Variants in MTUS1 observed in about 807,000 individuals in gnomAD.
MTUS1 encodes the protein microtubule associated scaffold protein 1.
In MTUS1, 109 loss-of-function variants were observed where a neutral mutation model predicts 120.8. The observed-to-expected ratio is 0.90, with a 90% CI of 0.77 to 1.06. The LOEUF (loss-of-function observed/expected upper bound fraction) is 1.06. Among genes scored for constraint, MTUS1 ranks in the 50% least tolerant of loss-of-function variants. The pLI, the probability that MTUS1 is intolerant of heterozygous loss-of-function variation, is 0.00. For synonymous variants in MTUS1, 737 were observed against 550.5 expected (o/e 1.34, Z -4.74); for missense variants, 2,210 against 1,486.3 (o/e 1.49, Z -8.01).
At chr8:17,769,435 C>A (rs2049842766) in intron 1 of MTUS1, among the ~76,000 whole-genome samples, 1 of 150,614 alleles carries the variant, frequency 6.6e-6, no homozygotes, top group South Asian at 2.1e-4. Flanking sequence ...GCAAGCTCCG[C>A]CTCCCGGGTT....
chr8:17,678,528 T>C (rs1813585050), intron 7 of MTUS1, among the ~76,000 whole-genome samples: 1 of 152,122 alleles, frequency 6.6e-6, no homozygotes. Context: ...TGTGCCTGCA[T>C]TTTTGCTAGC....
In MTUS1 at chr8:17,799,182, G is replaced by C. The variant is rs139620424; in HGVS notation, c.-155+1879C>G. On this transcript the variant is annotated intron_variant, in intron 1 of 14. Transcript: ENST00000693296. ...CTTCCAACCATCAACTGTATTTCAA[G>C]GGCACTAAGGATATTAACCCTGCAC... 9.2e-5 allele frequency among the ~76,000 whole-genome samples: 14 copies of C among 152,194 alleles called. No homozygotes were observed. In the East Asian group the frequency reaches 2.7e-3, roughly 29 times the overall value.
chr8:17,687,043 A>T (rs984951138), intron 6 of MTUS1, among the ~76,000 whole-genome samples: 2 of 152,224 alleles, frequency 1.3e-5, no homozygotes, highest in African/African-American at 2.4e-5. Flanking sequence ...ACAGGAATCT[A>T]AACATTACGC....
At chr8:17,655,120 C>T (rs773514239) in intron 9 of MTUS1, 50 of 161,794 alleles carry the variant, frequency 3.1e-4, no homozygotes, top group East Asian at 1.4e-3. Flanking sequence ...ACATGCTCTG[C>T]GCCTGTCACT....
chr8:17,726,610 C>T (rs1462104007), intron 3 of MTUS1, among the ~76,000 whole-genome samples: 2 of 152,178 alleles, frequency 1.3e-5, no homozygotes, highest in Admixed American at 6.5e-5. Flanking sequence ...TTTTTACAAG[C>T]TTATTTGAAT....
At chr8:17,741,846 G>T (rs1042595106) in intron 3 of MTUS1, among the ~76,000 whole-genome samples, 2 of 152,138 alleles carry the variant, frequency 1.3e-5, no homozygotes, top group African/African-American at 4.8e-5. Context: ...AAAGCTGACA[G>T]GGTCTTAGAT....
At chr8:17,684,693 T>TC in intron 6 of MTUS1, 151 bp from the exon 7 acceptor site, 1 of 654,436 alleles carries the variant, frequency 1.5e-6, no homozygotes, top group East Asian at 2.6e-5. Flanking sequence ...CTGGAATGAA[T>TC]CGGAGATCTA....
chr8:17,766,506 G>T (rs2049503059), intron 1 of MTUS1, among the ~76,000 whole-genome samples: 1 of 152,102 alleles, frequency 6.6e-6, no homozygotes, highest in South Asian at 2.1e-4. Flanking sequence ...TTTTCTTTTA[G>T]ACATTTGCAG....
At chr8:17,769,927 C>T (rs1351989756) in intron 1 of MTUS1, among the ~76,000 whole-genome samples, 12 of 48,446 alleles carry the variant, frequency 2.5e-4, no homozygotes, top group Admixed American at 4.8e-4. Flanking sequence ...CACACACACA[C>T]GGGGGGGGTT....
At chr8:17,751,436 C>T (rs1436796369) in intron 2 of MTUS1, among the ~76,000 whole-genome samples, 1 of 152,186 alleles carries the variant, frequency 6.6e-6, no homozygotes, top group East Asian at 1.9e-4. Flanking sequence ...CAGCTCTCTA[C>T]AGTAAGTGCA....
At chr8:17,774,051 C>T (rs537398421) in intron 1 of MTUS1, among the ~76,000 whole-genome samples, 3 of 152,332 alleles carry the variant, frequency 2.0e-5, no homozygotes, top group South Asian at 4.1e-4. Context: ...CCTTAACAAT[C>T]CTGCTGGTAA....
chr8:17,649,724 T>C (rs1275827246), intron 13 of MTUS1, 122 bp downstream of exon 13: 1 of 658,414 alleles, frequency 1.5e-6, no homozygotes, highest in East Asian at 2.6e-5. Flanking sequence ...CTTTATCTTT[T>C]GTATAATTTC....
intron 3 of MTUS1, among the ~76,000 whole-genome samples, chr8:17,728,350 T>C (rs898244427): frequency 2.6e-5 from 4 of 152,280 alleles, no homozygotes; most frequent in South Asian, 2.1e-4. Context: ...AGTGAGCCAC[T>C]TGCCGTGGCC....
At chr8:17,773,576 T>A (rs1342823086) in intron 1 of MTUS1, among the ~76,000 whole-genome samples, 1 of 152,190 alleles carries the variant, frequency 6.6e-6, no homozygotes, top group East Asian at 1.9e-4. Flanking sequence ...GTAAGGACCA[T>A]CTTGCTGTGT....
At chr8:17,750,787 T>C (rs1450425989) in intron 2 of MTUS1, among the ~76,000 whole-genome samples, 2 of 152,204 alleles carry the variant, frequency 1.3e-5, no homozygotes, top group Non-Finnish European at 2.9e-5. Flanking sequence ...TCCTTTCCTT[T>C]TAGGTTAAGT....
intron 3 of MTUS1, among the ~76,000 whole-genome samples, chr8:17,741,484 C>T (rs934624381): frequency 6.6e-6 from 1 of 152,176 alleles, no homozygotes; most frequent in African/African-American, 2.4e-5. Flanking sequence ...ACTGAAAAAT[C>T]TGGATGCATA....
At chr8:17,702,812 G>A (rs75276695) in intron 6 of MTUS1, among the ~76,000 whole-genome samples, 1,630 of 152,272 alleles carry the variant, frequency 0.011, 22 homozygotes, top group African/African-American at 0.037. Context: ...TCATAATGTG[G>A]CAATGACCAT....
chr8:17,679,985 G>A (rs1252818219), intron 7 of MTUS1, among the ~76,000 whole-genome samples: 2 of 152,142 alleles, frequency 1.3e-5, no homozygotes, highest in Admixed American at 1.3e-4. Context: ...AAAGCTGCTG[G>A]GGTGGTTTCA....
chr8:17,794,816 G>C (rs1463496901), intron 1 of MTUS1, among the ~76,000 whole-genome samples: 1 of 152,172 alleles, frequency 6.6e-6, no homozygotes, highest in Non-Finnish European at 1.5e-5. Context: ...TCAGGGGAAG[G>C]GGGTAGGTCT....
Sources: allele counts gnomAD v4.1 joint callset (sites outside exome capture counted in the v4.1 genomes callset), GRCh38; gene constraint gnomAD v4.1.1; transcripts MANE v1.5; gene names NCBI Gene and HGNC (gene_info 2026-07-23, HGNC 2026-07-21).